Variants in ASIC2 observed in about 807,000 individuals in gnomAD.
ASIC2 encodes the protein acid sensing ion channel subunit 2, also known as acid-sensing ion channel 2.
Under a neutral mutation model 57.3 loss-of-function variants are expected in ASIC2, and 25 were observed. The ratio of observed to expected loss-of-function variants is 0.44; its 90% CI spans 0.32 to 0.61. The LOEUF (loss-of-function observed/expected upper bound fraction) is 0.61, where lower values mean the gene tolerates loss of function less well. Ranked by LOEUF, ASIC2 falls within the 20% of genes least tolerant of loss-of-function variation. ASIC2 has a pLI of 0.06. For synonymous variants in ASIC2, 319 were observed against 307.5 expected (o/e 1.04, Z -0.39); for missense variants, 641 against 738.1 (o/e 0.87, Z 1.52).
rs138691358 is a variant in ASIC2 at position 33,641,340 on chromosome 17, C to T, written c.555+514638G>A. 6.1e-3 allele frequency among the ~76,000 whole-genome samples: 934 copies of T among 152,282 alleles called. 17 individuals are homozygous for T. The highest frequency in any genetic ancestry group is 0.02 in the African/African-American group (851 of 41,564). On this transcript the variant is annotated intron_variant, in intron 1 of 9. Transcript: ENST00000359872. ...CACCTTCACTTCTTTACTGAACATC[C>T]GCACACAGCACACGCTCAGCATATA...
At chr17:33,719,857 T>C (rs536548999) in intron 1 of ASIC2, among the ~76,000 whole-genome samples, 10 of 152,168 alleles carry the variant, frequency 6.6e-5, no homozygotes, top group Non-Finnish European at 1.3e-4. Context: ...AATGAATGTG[T>C]GTCATCCAGG....
intron 1 of ASIC2, among the ~76,000 whole-genome samples, chr17:33,397,400 G>C (rs1446504003): frequency 6.6e-6 from 1 of 152,190 alleles, no homozygotes; most frequent in Non-Finnish European, 1.5e-5. Context: ...TTTGGTAGAA[G>C]TCACTCTGCT....
intron 1 of ASIC2, among the ~76,000 whole-genome samples, chr17:33,609,896 AG>A (rs1465249198): frequency 1.3e-5 from 2 of 151,762 alleles, no homozygotes; most frequent in African/African-American, 4.8e-5. Context: ...AGAGGAGGGG[AG>A]GGGGGAAAAT....
At chr17:33,871,349 A>C (rs1914401347) in intron 1 of ASIC2, among the ~76,000 whole-genome samples, 1 of 152,164 alleles carries the variant, frequency 6.6e-6, no homozygotes, top group Admixed American at 6.5e-5. Flanking sequence ...AAGAAATAAC[A>C]CACATAAAGC....
intron 1 of ASIC2, among the ~76,000 whole-genome samples, chr17:33,183,051 G>A (rs1291965014): frequency 6.6e-6 from 1 of 152,092 alleles, no homozygotes; most frequent in East Asian, 1.9e-4. Context: ...CCATTTTACA[G>A]GTAAAGAAAA....
chr17:33,666,115 C>T (rs1393570422), intron 1 of ASIC2, among the ~76,000 whole-genome samples: 1 of 152,150 alleles, frequency 6.6e-6, no homozygotes, highest in Non-Finnish European at 1.5e-5. Context: ...CATTTTCCCC[C>T]CACATAACCA....
chr17:34,041,597 T>C (rs976000782), intron 1 of ASIC2, among the ~76,000 whole-genome samples: 4 of 152,210 alleles, frequency 2.6e-5, no homozygotes, highest in African/African-American at 9.6e-5. Context: ...ACTCCTCATA[T>C]GGTGTCAGAG....
At chr17:34,073,228 C>T (rs1909491105) in intron 1 of ASIC2, among the ~76,000 whole-genome samples, 2 of 152,164 alleles carry the variant, frequency 1.3e-5, no homozygotes, top group Admixed American at 1.3e-4. Flanking sequence ...CATATGGGGC[C>T]TAGTGTGCCC....
At chr17:33,597,946 A>G (rs1379158386) in intron 1 of ASIC2, among the ~76,000 whole-genome samples, 1 of 151,830 alleles carries the variant, frequency 6.6e-6, no homozygotes, top group Non-Finnish European at 1.5e-5. Context: ...TCTTCCAAAT[A>G]CTCCTTATCC....
chr17:33,420,083 G>A (rs933998137), intron 1 of ASIC2, among the ~76,000 whole-genome samples: 2 of 152,156 alleles, frequency 1.3e-5, no homozygotes, highest in African/African-American at 4.8e-5. Context: ...TTATGTAAAT[G>A]CATTATCATA....
At chr17:33,838,802 C>A (rs1913344994) in intron 1 of ASIC2, among the ~76,000 whole-genome samples, 1 of 152,138 alleles carries the variant, frequency 6.6e-6, no homozygotes. Context: ...CCAACCCAAC[C>A]AAATGTTATA....
intron 1 of ASIC2, among the ~76,000 whole-genome samples, chr17:33,437,725 T>C (rs929735573): frequency 6.6e-6 from 1 of 152,104 alleles, no homozygotes; most frequent in Non-Finnish European, 1.5e-5. Context: ...GAACCCAGGA[T>C]GCGGAGGTTG....
chr17:33,823,816 A>G (rs1200959826), intron 1 of ASIC2, among the ~76,000 whole-genome samples: 1 of 152,082 alleles, frequency 6.6e-6, no homozygotes, highest in Non-Finnish European at 1.5e-5. Flanking sequence ...CACTACCTCT[A>G]ACTCTATCCC....
At chr17:33,398,373 A>G (rs748947856) in intron 1 of ASIC2, among the ~76,000 whole-genome samples, 2 of 152,214 alleles carry the variant, frequency 1.3e-5, no homozygotes, top group Non-Finnish European at 2.9e-5. Flanking sequence ...CCCTGGATAA[A>G]GGGAGGAGAT....
chr17:33,251,331 C>T (rs76999332), intron 1 of ASIC2, among the ~76,000 whole-genome samples: 17,148 of 152,068 alleles, frequency 0.11, 1,135 homozygotes, highest in East Asian at 0.24. Flanking sequence ...ACCATCTTAT[C>T]TTATTTATTT....
intron 1 of ASIC2, among the ~76,000 whole-genome samples, chr17:33,738,609 C>A (rs1471837758): frequency 6.6e-6 from 1 of 152,198 alleles, no homozygotes; most frequent in Non-Finnish European, 1.5e-5. Flanking sequence ...GCCTTCCCTC[C>A]TCTGTGTCAG....
chr17:33,631,515 C>T (rs958041073), intron 1 of ASIC2, among the ~76,000 whole-genome samples: 25 of 152,064 alleles, frequency 1.6e-4, no homozygotes, highest in African/African-American at 6.0e-4. Flanking sequence ...TTTTGTATCT[C>T]AGTTTCCTCA....
intron 1 of ASIC2, among the ~76,000 whole-genome samples, chr17:33,927,109 A>T (rs778738432): frequency 1.6e-4 from 24 of 152,082 alleles, no homozygotes; most frequent in Non-Finnish European, 2.6e-4. Context: ...TTGTATTTTT[A>T]GTAGAGACAG....
intron 3 of ASIC2, among the ~76,000 whole-genome samples, chr17:33,031,508 G>C (rs1215107256): frequency 1.3e-5 from 2 of 152,106 alleles, no homozygotes; most frequent in African/African-American, 2.4e-5. Flanking sequence ...TACTGGACAA[G>C]AAAAATAAAT....
Sources: gnomAD v4.1 joint callset for allele counts (sites outside exome capture counted in the v4.1 genomes callset) on GRCh38, gnomAD v4.1.1 for gene constraint, MANE v1.5 for transcripts, NCBI Gene and HGNC (gene_info 2026-07-23, HGNC 2026-07-21) for gene names.